The following DTNA variants were observed in gnomAD, a reference collection of about 807,000 sequenced individuals.
DTNA encodes the protein dystrobrevin alpha.
DTNA carries 43 observed loss-of-function variants against 100.7 expected under a neutral mutation model. The observed-to-expected ratio is 0.43, with a 90% CI of 0.33 to 0.55. The LOEUF (loss-of-function observed/expected upper bound fraction) is 0.55. Ranked by LOEUF, DTNA falls within the 20% of genes least tolerant of loss-of-function variation. The pLI is 0.04. For synonymous variants in DTNA, 349 were observed against 347.9 expected, an observed-to-expected ratio of 1.00 and a Z score of -0.04; for missense variants, 798 against 953.9, an observed-to-expected ratio of 0.84 and a Z score of 2.15.
At chr18:34,672,407 T>C (rs2076880007) in intron 1 of DTNA, among the ~76,000 whole-genome samples, 1 of 152,198 alleles carries the variant, frequency 6.6e-6, no homozygotes, top group Non-Finnish European at 1.5e-5. Context: ...TTTAAAAGTG[T>C]ATTCTAAGAA....
At chr18:34,776,899 A>G (rs1411447341) in intron 3 of DTNA, among the ~76,000 whole-genome samples, 2 of 152,174 alleles carry the variant, frequency 1.3e-5, no homozygotes, top group Non-Finnish European at 2.9e-5. Context: ...GGAACATACC[A>G]GGCATGTGCC....
intron 1 of DTNA, among the ~76,000 whole-genome samples, chr18:34,672,049 C>T (rs1435979599): frequency 6.6e-6 from 1 of 151,850 alleles, no homozygotes; most frequent in African/African-American, 2.4e-5. Context: ...TTTTTTTGGC[C>T]AATTTGGTGG....
intron 1 of DTNA, among the ~76,000 whole-genome samples, chr18:34,655,266 C>T (rs2074207308): frequency 6.6e-6 from 1 of 152,144 alleles, no homozygotes; most frequent in African/African-American, 2.4e-5. Context: ...TCACTGCCTC[C>T]TTCTCTCTTA....
chr18:34,866,055 A>G (rs371133817), intron 17 of DTNA: 64 of 1,599,236 alleles, frequency 4.0e-5, no homozygotes, highest in South Asian at 1.7e-4. Context: ...CACTGTGTAC[A>G]TGCTCTTATT....
At chr18:34,776,962 A>G (rs2094089121) in intron 3 of DTNA, among the ~76,000 whole-genome samples, 1 of 152,210 alleles carries the variant, frequency 6.6e-6, no homozygotes, top group Non-Finnish European at 1.5e-5. Context: ...CTCTTCCTGT[A>G]GCGAACTCAA....
At chr18:34,716,018 G>A (rs1304057287) in intron 1 of DTNA, among the ~76,000 whole-genome samples, 1 of 152,112 alleles carries the variant, frequency 6.6e-6, no homozygotes, top group Non-Finnish European at 1.5e-5. Flanking sequence ...CATATACACT[G>A]CTATCATATA....
intron 11 of DTNA, among the ~76,000 whole-genome samples, chr18:34,831,316 C>A (rs1047369559): frequency 6.6e-6 from 1 of 152,142 alleles, no homozygotes; most frequent in African/African-American, 2.4e-5. Flanking sequence ...GGTAAGCACT[C>A]ACAAAAGGAA....
intron 17 of DTNA, among the ~76,000 whole-genome samples, chr18:34,870,012 C>T (rs992770589): frequency 6.6e-6 from 1 of 152,108 alleles, no homozygotes; most frequent in African/African-American, 2.4e-5. Context: ...CACGACACAG[C>T]GAGACTCCGT....
chr18:34,514,224 A>G (rs1260394942), intron 1 of DTNA, among the ~76,000 whole-genome samples: 2 of 151,898 alleles, frequency 1.3e-5, no homozygotes, highest in Non-Finnish European at 2.9e-5. Flanking sequence ...GTGTTTGTGT[A>G]TGTGTGTTTG....
chr18:34,658,965 A>G (rs549515130), intron 1 of DTNA, among the ~76,000 whole-genome samples: 2 of 152,338 alleles, frequency 1.3e-5, no homozygotes, highest in South Asian at 4.1e-4. Context: ...TTTCAGTGCT[A>G]TGGAGTATGT....
At chr18:34,624,981 G>A (rs765818502) in intron 1 of DTNA, among the ~76,000 whole-genome samples, 9 of 151,876 alleles carry the variant, frequency 5.9e-5, no homozygotes, top group Non-Finnish European at 1.2e-4. Context: ...CGATTCTCCT[G>A]CCTCAGCCTC....
At chr18:34,571,066 C>T (rs2047539223) in intron 1 of DTNA, among the ~76,000 whole-genome samples, 1 of 152,152 alleles carries the variant, frequency 6.6e-6, no homozygotes, top group Non-Finnish European at 1.5e-5. Context: ...CAGATAAGGA[C>T]ACTGAGGTTC....
At chr18:34,765,218 T>C (rs879533358) in intron 2 of DTNA, among the ~76,000 whole-genome samples, 2 of 152,036 alleles carry the variant, frequency 1.3e-5, no homozygotes, top group Non-Finnish European at 2.9e-5. Context: ...ATAAGGAAAG[T>C]AGTTTAAGAA....
intron 1 of DTNA, among the ~76,000 whole-genome samples, chr18:34,505,690 A>G (rs1020020124): frequency 6.6e-6 from 1 of 151,066 alleles, no homozygotes; most frequent in Non-Finnish European, 1.5e-5. Flanking sequence ...GTTTTTCCTT[A>G]TGTGTTCTAT....
chr18:34,521,397 A>G (rs2042135013), intron 1 of DTNA, among the ~76,000 whole-genome samples: 1 of 152,144 alleles, frequency 6.6e-6, no homozygotes, highest in African/African-American at 2.4e-5. Flanking sequence ...TTCGGCTTCC[A>G]TGGCTAGTCC....
intron 1 of DTNA, among the ~76,000 whole-genome samples, chr18:34,496,004 A>G (rs2039152958): frequency 2.0e-5 from 3 of 152,122 alleles, no homozygotes; most frequent in African/African-American, 7.2e-5. Flanking sequence ...AACGAGTTTC[A>G]AAATTATTTT....
chr18:34,717,473 G>C (rs1666494966), intron 1 of DTNA, among the ~76,000 whole-genome samples: 1 of 152,140 alleles, frequency 6.6e-6, no homozygotes, highest in African/African-American at 2.4e-5. Context: ...TTTGATTCTA[G>C]TGACTGCAAG....
At chr18:34,553,760 C>T (rs1265484033) in intron 1 of DTNA, among the ~76,000 whole-genome samples, 1 of 152,068 alleles carries the variant, frequency 6.6e-6, no homozygotes, top group African/African-American at 2.4e-5. Context: ...GGTACCAGTA[C>T]CATGCTGTTT....
intron 13 of DTNA, among the ~76,000 whole-genome samples, chr18:34,841,449 T>C (rs542475585): frequency 2.6e-5 from 4 of 152,276 alleles, no homozygotes; most frequent in African/African-American, 9.6e-5. Context: ...GTTCCTTGAG[T>C]TGTGACTTCT....
Sources: gnomAD v4.1 joint callset for allele counts (sites outside exome capture counted in the v4.1 genomes callset) on GRCh38, gnomAD v4.1.1 for gene constraint, MANE v1.5 for transcripts, NCBI Gene and HGNC (gene_info 2026-07-23, HGNC 2026-07-21) for gene names.